Variants in CDH13 observed in about 807,000 individuals in gnomAD.
The protein encoded by CDH13 is cadherin 13.
A neutral mutation model predicts 63.8 loss-of-function variants in CDH13; 24 were observed. The observed-to-expected ratio is 0.38, with a 90% confidence interval of 0.27 to 0.53. CDH13 has a LOEUF of 0.53. Ranked by LOEUF, CDH13 falls within the 20% of genes least tolerant of loss-of-function variation. The pLI is 0.85. For synonymous variants in CDH13, 503 were observed against 355.3 expected, an observed-to-expected ratio of 1.42 and a Z score of -4.67; for missense variants, 1,049 against 903.1, an observed-to-expected ratio of 1.16 and a Z score of -2.07.
intron 3 of CDH13, among the ~76,000 whole-genome samples, chr16:83,121,552 A>G (rs1385424710): frequency 6.6e-6 from 1 of 152,190 alleles, no homozygotes; most frequent in African/African-American, 2.4e-5. Context: ...AGTGATGATG[A>G]TAGTGGTCGG....
At position 83,033,003 on chromosome 16, in the gene CDH13, TACC is replaced by T. The variant is rs138208224; in HGVS notation, c.366+788_366+790del. On this transcript the variant is annotated intron_variant, in intron 3 of 13. Transcript: ENST00000567109. ...TACATGTATATATTACATGCACATA[TACC>T]ACATGTATGTATATGGTGCTGTATG... is the stretch of plus-strand genomic sequence containing the variant. Among the ~76,000 whole-genome samples, 513 of 152,346 alleles carry T rather than the reference TACC, an allele frequency of 3.4e-3. 3 individuals are homozygous for T. Among genetic ancestry groups the T allele is most frequent in the African/African-American group, 0.011 (469 of 41,570 alleles).
intron 2 of CDH13, among the ~76,000 whole-genome samples, chr16:82,958,947 C>A (rs1906540380): frequency 6.6e-6 from 1 of 152,196 alleles, no homozygotes; most frequent in Non-Finnish European, 1.5e-5. Context: ...TTTCCTGGTG[C>A]AGAAAGAGAA....
At chr16:83,045,647 A>G (rs1388037358) in intron 3 of CDH13, among the ~76,000 whole-genome samples, 5 of 151,386 alleles carry the variant, frequency 3.3e-5, no homozygotes, top group African/African-American at 1.2e-4. Flanking sequence ...AAAAAAAAAA[A>G]AAAAAAAAAA....
chr16:83,280,839 G>T (rs1371507873), intron 5 of CDH13, among the ~76,000 whole-genome samples: 1 of 152,196 alleles, frequency 6.6e-6, no homozygotes, highest in Non-Finnish European at 1.5e-5. Flanking sequence ...TGGGTCACTA[G>T]GTATATTGTC....
intron 2 of CDH13, among the ~76,000 whole-genome samples, chr16:82,983,715 G>T (rs983363732): frequency 9.9e-5 from 15 of 152,172 alleles, no homozygotes; most frequent in African/African-American, 3.6e-4. Context: ...GAGAGATTGT[G>T]CATACCATGA....
intron 2 of CDH13, among the ~76,000 whole-genome samples, chr16:82,926,564 G>T (rs1171262876): frequency 2.0e-5 from 3 of 152,122 alleles, no homozygotes; most frequent in African/African-American, 7.2e-5. Context: ...GGCATTTTAG[G>T]CTTGACTTTC....
intron 6 of CDH13, among the ~76,000 whole-genome samples, chr16:83,447,048 C>T (rs1207081357): frequency 9.9e-6 from 1 of 101,216 alleles, no homozygotes; most frequent in African/African-American, 4.0e-5. Flanking sequence ...ACTGGTCACC[C>T]GTCTTAAAAA....
intron 7 of CDH13, among the ~76,000 whole-genome samples, chr16:83,587,946 C>CT (rs72005662): frequency 0.27 from 39,494 of 144,728 alleles, 5,514 homozygotes; most frequent in Middle Eastern, 0.41. Context: ...TCTTATACCT[C>CT]TTTTTTTTTT....
At position 82,779,400 on chromosome 16, in the gene CDH13, C is replaced by A. The variant is rs984386121; in HGVS notation, c.46-78962C>A. 1.2e-4 allele frequency among the ~76,000 whole-genome samples: 19 copies of A among 152,286 alleles called. No homozygotes were observed. In the East Asian group the frequency reaches 3.5e-3, roughly 28 times the overall value. ...TTGAGAATTTCTGTGCAGGTCCAAG[C>A]GTCCACTTAAATCAGGGCTCCTAAC... On this transcript the variant is annotated intron_variant, in intron 1 of 13. Transcript: ENST00000567109.
chr16:82,815,499 A>C (rs927859386), intron 1 of CDH13, among the ~76,000 whole-genome samples: 1 of 152,200 alleles, frequency 6.6e-6, no homozygotes, highest in Non-Finnish European at 1.5e-5. Flanking sequence ...TGGAACATGG[A>C]AAACACTCCC....
chr16:82,839,671 G>C (rs531075929), intron 1 of CDH13, among the ~76,000 whole-genome samples: 32 of 152,272 alleles, frequency 2.1e-4, no homozygotes, highest in African/African-American at 7.7e-4. Flanking sequence ...CCATCGCCAT[G>C]TGCACCTCTC....
At chr16:82,875,655 C>A (rs922246699) in intron 2 of CDH13, among the ~76,000 whole-genome samples, 4 of 152,140 alleles carry the variant, frequency 2.6e-5, no homozygotes, top group Non-Finnish European at 2.9e-5. Context: ...ACATGACTCA[C>A]ATTCATATCT....
intron 7 of CDH13, among the ~76,000 whole-genome samples, chr16:83,495,900 C>T (rs1308345571): frequency 1.3e-5 from 2 of 151,996 alleles, no homozygotes; most frequent in Non-Finnish European, 2.9e-5. Flanking sequence ...GAGTGAACTC[C>T]CATTCACAAT....
intron 10 of CDH13, among the ~76,000 whole-genome samples, chr16:83,723,884 A>T (rs2150940442): frequency 6.6e-6 from 1 of 152,342 alleles, no homozygotes; most frequent in South Asian, 2.1e-4. Context: ...GGATGGATGG[A>T]TGGATGGATG....
chr16:83,278,109 C>T (rs1006995190), intron 5 of CDH13, among the ~76,000 whole-genome samples: 4 of 152,098 alleles, frequency 2.6e-5, no homozygotes, highest in African/African-American at 9.7e-5. Context: ...CTAAGTATTG[C>T]TTTCCTTTAA....
At chr16:83,496,575 C>T (rs1239015566) in intron 7 of CDH13, among the ~76,000 whole-genome samples, 2 of 152,198 alleles carry the variant, frequency 1.3e-5, no homozygotes, top group East Asian at 3.8e-4. Context: ...AAAACCTAGG[C>T]TTTACCATTC....
At chr16:82,856,422 C>T (rs555359765) in intron 1 of CDH13, among the ~76,000 whole-genome samples, 22 of 144,576 alleles carry the variant, frequency 1.5e-4, no homozygotes, top group African/African-American at 5.6e-4. Context: ...AAAATACTAG[C>T]TGGGTGCAGT....
At chr16:83,207,219 C>A (rs551982002) in intron 4 of CDH13, among the ~76,000 whole-genome samples, 58 of 152,330 alleles carry the variant, frequency 3.8e-4, no homozygotes, top group Admixed American at 9.1e-4. Flanking sequence ...ACCTTAAACT[C>A]TATACCCATT....
intron 2 of CDH13, among the ~76,000 whole-genome samples, chr16:82,991,162 C>T (rs567177527): frequency 1.9e-4 from 29 of 152,254 alleles, no homozygotes; most frequent in African/African-American, 6.7e-4. Flanking sequence ...ACTTAGATGG[C>T]CTGGAAAACT....
Sources: gnomAD v4.1 joint callset for allele counts (sites outside exome capture counted in the v4.1 genomes callset) on GRCh38, gnomAD v4.1.1 for gene constraint, MANE v1.5 for transcripts, NCBI Gene and HGNC (gene_info 2026-07-23, HGNC 2026-07-21) for gene names.